ASIC2: variants seen among roughly 807,000 people sequenced by gnomAD.
ASIC2 encodes the protein acid-sensing ion channel 2.
In ASIC2, 25 loss-of-function variants were observed where a neutral mutation model predicts 57.3. The observed-to-expected ratio is 0.44, with a 90% CI of 0.32 to 0.61. The LOEUF (loss-of-function observed/expected upper bound fraction) is 0.61. ASIC2 is among the 20% of genes least tolerant of loss of function. The pLI is 0.06. For synonymous variants in ASIC2, 319 were observed against 307.5 expected (o/e 1.04, Z -0.39); for missense variants, 641 against 738.1 (o/e 0.87, Z 1.52).
chr17:33,565,858 C>G (rs1315318011), intron 1 of ASIC2: 1 of 152,298 alleles, frequency 6.6e-6, no homozygotes, highest in Non-Finnish European at 1.5e-5. Context: ...GAAGGTGAAA[C>G]CAGCACTGAG....
At chr17:33,334,820 C>T (rs376620486) in intron 1 of ASIC2, among the ~76,000 whole-genome samples, 1 of 152,138 alleles carries the variant, frequency 6.6e-6, no homozygotes. Context: ...TTTTTGCAGG[C>T]AAGCGCAAGA....
intron 1 of ASIC2, among the ~76,000 whole-genome samples, chr17:33,857,071 A>T (rs1913976568): frequency 6.6e-6 from 1 of 152,066 alleles, no homozygotes; most frequent in African/African-American, 2.4e-5. Flanking sequence ...GAGGGTGTGC[A>T]TTGCTCTCTG....
chr17:33,284,625 C>T (rs73281688), intron 1 of ASIC2, among the ~76,000 whole-genome samples: 4,149 of 152,218 alleles, frequency 0.027, 162 homozygotes, highest in African/African-American at 0.095. Context: ...TTCTTATCAG[C>T]ATCTCTGAGT....
At chr17:33,838,683 G>A (rs532135944) in intron 1 of ASIC2, among the ~76,000 whole-genome samples, 2 of 152,220 alleles carry the variant, frequency 1.3e-5, no homozygotes, top group South Asian at 4.1e-4. Context: ...TAACTGGAGT[G>A]CTAGCAGCAT....
chr17:33,893,535 C>G (rs1255175744), intron 1 of ASIC2, among the ~76,000 whole-genome samples: 1 of 152,176 alleles, frequency 6.6e-6, no homozygotes, highest in African/African-American at 2.4e-5. Context: ...GAGAAGGTTT[C>G]TGAAGTTTCG....
At chr17:33,782,210 A>G (rs1020428516) in intron 1 of ASIC2, among the ~76,000 whole-genome samples, 1 of 152,152 alleles carries the variant, frequency 6.6e-6, no homozygotes, top group Non-Finnish European at 1.5e-5. Context: ...ACTTTTGTGT[A>G]TGTCCAAAAA....
chr17:34,068,601 A>C (rs1206119153), intron 1 of ASIC2, among the ~76,000 whole-genome samples: 1 of 152,188 alleles, frequency 6.6e-6, no homozygotes, highest in East Asian at 1.9e-4. Flanking sequence ...AGTGGAACCA[A>C]ATGGTTTGAA....
intron 1 of ASIC2, among the ~76,000 whole-genome samples, chr17:33,999,933 G>A (rs1906280007): frequency 6.6e-6 from 1 of 152,040 alleles, no homozygotes. Context: ...TTCTTGTAAA[G>A]TGCTCTAGTG....
intron 3 of ASIC2, among the ~76,000 whole-genome samples, chr17:33,029,224 A>G (rs573561129): frequency 8.5e-5 from 13 of 152,354 alleles, no homozygotes; most frequent in African/African-American, 3.1e-4. Flanking sequence ...CAGCACACCA[A>G]CCAAGATAGA....
intron 1 of ASIC2, among the ~76,000 whole-genome samples, chr17:33,144,093 G>A (rs1304124): frequency 0.27 from 40,654 of 151,734 alleles, 5,610 homozygotes; most frequent in East Asian, 0.4. Flanking sequence ...TGATTGGTCC[G>A]GGGTGGGCAC....
At chr17:33,444,585 G>T (rs1911945843) in intron 1 of ASIC2, among the ~76,000 whole-genome samples, 1 of 143,908 alleles carries the variant, frequency 6.9e-6, no homozygotes, top group Non-Finnish European at 1.5e-5. Flanking sequence ...CCCTCCCCCG[G>T]TTGGGATTTC....
chr17:33,717,307 G>A (rs928834977), intron 1 of ASIC2, among the ~76,000 whole-genome samples: 4 of 152,288 alleles, frequency 2.6e-5, no homozygotes, highest in Admixed American at 1.3e-4. Flanking sequence ...TTTTCTTCCC[G>A]CTCAAAATAT....
intron 1 of ASIC2, among the ~76,000 whole-genome samples, chr17:33,127,468 C>T (rs904824026): frequency 6.6e-6 from 1 of 152,262 alleles, no homozygotes; most frequent in African/African-American, 2.4e-5. Flanking sequence ...GTACCAATTC[C>T]GTCCTAGACA....
chr17:33,992,877 C>CA (rs1413540967), intron 1 of ASIC2, among the ~76,000 whole-genome samples: 1 of 152,168 alleles, frequency 6.6e-6, no homozygotes, highest in African/African-American at 2.4e-5. Flanking sequence ...TGACGGGTTT[C>CA]AAGCAGGCTG....
At chr17:33,186,511 T>C (rs550695370) in intron 1 of ASIC2, among the ~76,000 whole-genome samples, 30 of 152,320 alleles carry the variant, frequency 2.0e-4, no homozygotes, top group Non-Finnish European at 3.5e-4. Flanking sequence ...GAAATGATGT[T>C]AGACAAAAAG....
chr17:33,275,224 C>A (rs1055574244), intron 1 of ASIC2, among the ~76,000 whole-genome samples: 1 of 152,106 alleles, frequency 6.6e-6, no homozygotes, highest in Non-Finnish European at 1.5e-5. Flanking sequence ...AAGCCTGATC[C>A]CCGCCTCCCA....
chr17:33,280,326 C>G (rs1904890089), intron 1 of ASIC2, among the ~76,000 whole-genome samples: 1 of 152,192 alleles, frequency 6.6e-6, no homozygotes, highest in South Asian at 2.1e-4. Context: ...AAAAAAGGCT[C>G]TCACTCCATG....
intron 1 of ASIC2, among the ~76,000 whole-genome samples, chr17:33,795,679 A>G (rs974336893): frequency 1.3e-5 from 2 of 152,216 alleles, no homozygotes; most frequent in African/African-American, 4.8e-5. Flanking sequence ...CTGTGGTTTC[A>G]GGGGAGTAAT....
intron 1 of ASIC2, among the ~76,000 whole-genome samples, chr17:33,940,415 C>T (rs1233386237): frequency 6.6e-6 from 1 of 151,212 alleles, no homozygotes; most frequent in Non-Finnish European, 1.5e-5. Context: ...AAGGCCTAAT[C>T]TCAGGATTGA....
Sources: allele counts gnomAD v4.1 joint callset (sites outside exome capture counted in the v4.1 genomes callset), GRCh38; gene constraint gnomAD v4.1.1; transcripts MANE v1.5; gene names NCBI Gene and HGNC (gene_info 2026-07-23, HGNC 2026-07-21).